Variants in TAOK3 observed in about 807,000 individuals in gnomAD.
TAOK3 encodes the protein serine/threonine-protein kinase TAO3.
Under a neutral mutation model 120.4 loss-of-function variants are expected in TAOK3, and 40 were observed. The observed-to-expected ratio is 0.33, with a 90% CI of 0.26 to 0.43. The LOEUF (loss-of-function observed/expected upper bound fraction) is 0.43, where lower values mean the gene tolerates loss of function less well. Ranked by LOEUF, TAOK3 falls within the 20% of genes least tolerant of loss-of-function variation. TAOK3 has a pLI of 1.00. For missense variants in TAOK3, 821 were observed against 1,112.1 expected, an observed-to-expected ratio of 0.74 and a Z score of 3.72; for synonymous variants, 355 against 387.5, an observed-to-expected ratio of 0.92 and a Z score of 0.99.
At chr12:118,220,667 C>T (rs1050590986) in intron 9 of TAOK3, among the ~76,000 whole-genome samples, 5 of 151,828 alleles carry the variant, frequency 3.3e-5, no homozygotes, top group African/African-American at 4.8e-5. Flanking sequence ...AACAAAAACA[C>T]AAAGAAAACT....
At chr12:118,291,164 A>C (rs965669490) in intron 1 of TAOK3, among the ~76,000 whole-genome samples, 5 of 145,264 alleles carry the variant, frequency 3.4e-5, no homozygotes, top group African/African-American at 1.3e-4. Context: ...CCGGGTTTTT[A>C]CTTTTTTTTG....
At chr12:118,348,538 C>A (rs941113074) in intron 1 of TAOK3, among the ~76,000 whole-genome samples, 5 of 151,842 alleles carry the variant, frequency 3.3e-5, no homozygotes, top group Admixed American at 1.3e-4. Context: ...GCAAGCTCTG[C>A]CTCCCGGGCT....
chr12:118,179,547 T>C (rs1239788699), intron 15 of TAOK3, among the ~76,000 whole-genome samples: 5 of 151,996 alleles, frequency 3.3e-5, no homozygotes, highest in East Asian at 3.9e-4. Context: ...TGTATACATA[T>C]GTAACAAACC....
At chr12:118,336,223 T>C (rs935757031) in intron 1 of TAOK3, among the ~76,000 whole-genome samples, 2 of 152,166 alleles carry the variant, frequency 1.3e-5, no homozygotes, top group African/African-American at 4.8e-5. Flanking sequence ...AGGCAGTTTG[T>C]GCTGGTAGAG....
chr12:118,267,007 GGTTT>G (rs1323492678), intron 1 of TAOK3, among the ~76,000 whole-genome samples: 1 of 152,156 alleles, frequency 6.6e-6, no homozygotes, highest in Non-Finnish European at 1.5e-5. Context: ...AGCTTCCACT[GGTTT>G]GTTTGTGTCC....
At chr12:118,181,867 T>C (rs2036746905) in intron 14 of TAOK3, among the ~76,000 whole-genome samples, 1 of 152,214 alleles carries the variant, frequency 6.6e-6, no homozygotes, top group Non-Finnish European at 1.5e-5. Context: ...GTTTTATAGT[T>C]GAAGAAATTG....
chr12:118,340,292 A>C lies in TAOK3; in HGVS notation c.-194+32356T>G, dbSNP rs141256410. Among the ~76,000 whole-genome samples the C allele has an allele frequency of 3.5e-4, 53 of 152,328 alleles. No homozygotes were observed. The East Asian group carries it at 0.01, about 29-fold the overall frequency. ...CCCTCCCAAGAGCAAAAAAATTTTT[A>C]ATCAGGTTGGAAAGGGAAGAAAAGT... On this transcript the variant is annotated intron_variant, in intron 1 of 20. Coordinates refer to ENST00000392533, the MANE Select transcript of TAOK3 (RefSeq NM_016281.4).
In TAOK3 at chr12:118,221,634, C is replaced by G. The variant is rs932370430; in HGVS notation, c.644-7524G>C. Among the ~76,000 whole-genome samples the G allele has an allele frequency of 1.3e-4, 17 of 126,016 alleles. No homozygotes were observed. In the Admixed American group the frequency reaches 1.4e-3, roughly 10 times the overall value. The allele number at this position is 126,016 out of a possible 152,430, so 82.7% of individuals were successfully genotyped here. A position where few individuals can be genotyped will look rare whatever the true frequency, so the allele number is the denominator to read the frequency against. On this transcript the variant is annotated intron_variant, in intron 9 of 20. Transcript: ENST00000392533. ...CCTTGTGATACGGAATACATATAAC[C>G]TTTTTTTTTTTTTTTTTTGAGACAG...
intron 1 of TAOK3, among the ~76,000 whole-genome samples, chr12:118,273,240 T>A (rs2041783284): frequency 6.6e-6 from 1 of 152,178 alleles, no homozygotes; most frequent in East Asian, 1.9e-4. Flanking sequence ...CGGTGGCTCA[T>A]GCCTGTAATC....
At position 118,234,212 on chromosome 12, in the gene TAOK3, A is replaced by ATTTTTT. The variant is rs763473530; in HGVS notation, c.552-453_552-448dup. On this transcript the variant is annotated intron_variant, in intron 8 of 20. Coordinates refer to ENST00000392533, the MANE Select transcript of TAOK3 (RefSeq NM_016281.4). Reference sequence around the variant, plus strand: ...TTAAAGTAATTAAATAAAGCAGGAAATTTTTTTTTTTTTTTTTTTTTTTTT... The same window carrying ATTTTTT: ...TTAAAGTAATTAAATAAAGCAGGAAATTTTTTTTTTTTTTTTTTTTTTTTTTTTTTT... Among the ~76,000 whole-genome samples, 152 of 58,338 alleles carry ATTTTTT rather than the reference A, an allele frequency of 2.6e-3. 21 individuals carry two copies. The highest frequency in any genetic ancestry group is 3.0e-3 in the African/African-American group (43 of 14,394). 38.3% of individuals were successfully genotyped at this position (58,338 alleles called of 152,430 possible).
chr12:118,315,362 A>G (rs1443754594), intron 1 of TAOK3, among the ~76,000 whole-genome samples: 1 of 152,260 alleles, frequency 6.6e-6, no homozygotes, highest in African/African-American at 2.4e-5. Flanking sequence ...TTATCAATAT[A>G]GACACATTTC....
At chr12:118,321,266 A>G (rs1301595864) in intron 1 of TAOK3, among the ~76,000 whole-genome samples, 1 of 152,006 alleles carries the variant, frequency 6.6e-6, no homozygotes, top group Non-Finnish European at 1.5e-5. Flanking sequence ...ACATACACAC[A>G]CACATTTTTT....
intron 17 of TAOK3, among the ~76,000 whole-genome samples, chr12:118,167,686 T>C (rs1429857516): frequency 1.3e-5 from 2 of 151,446 alleles, no homozygotes; most frequent in Non-Finnish European, 2.9e-5. Flanking sequence ...TTTTTTTTCC[T>C]TTTTTTGCAA....
In TAOK3 at chr12:118,255,654, A is replaced by T; in HGVS notation, c.-87T>A. ...TTTTTTTGGGGGGTAAATCTTCAGT[A>T]CCTGTAGAAAAATAAGGTTTGCCAT... On this transcript the variant is annotated splice_region_variant and 5_prime_UTR_variant, in exon 3 of 21. Transcript: ENST00000392533. 1 of 1,358,466 alleles carries T rather than the reference A, an allele frequency of 7.4e-7. No homozygotes were observed. Among genetic ancestry groups the T allele is most frequent in the Non-Finnish European group, 1.0e-6 (1 of 998,368 alleles). The allele number at this position is 1,358,466 out of a possible 1,614,324, so 84.2% of individuals were successfully genotyped here. A position where few individuals can be genotyped will look rare whatever the true frequency, so the allele number is the denominator to read the frequency against.
At chr12:118,188,184 T>A (rs528803057) in intron 14 of TAOK3, among the ~76,000 whole-genome samples, 32 of 152,206 alleles carry the variant, frequency 2.1e-4, no homozygotes, top group Non-Finnish European at 4.1e-4. Context: ...GCTCAGAGCT[T>A]GTTATCATTT....
At chr12:118,297,944 T>G (rs2042743382) in intron 1 of TAOK3, among the ~76,000 whole-genome samples, 1 of 152,178 alleles carries the variant, frequency 6.6e-6, no homozygotes, top group Non-Finnish European at 1.5e-5. Flanking sequence ...CACAACCAGC[T>G]AATTTTTAAA....
intron 8 of TAOK3, among the ~76,000 whole-genome samples, chr12:118,234,388 G>C (rs890381163): frequency 6.6e-6 from 1 of 150,520 alleles, no homozygotes; most frequent in African/African-American, 2.4e-5. Flanking sequence ...GGGACTACAG[G>C]CGCCTGCCAC....
chr12:118,316,403 T>C (rs1251466985), intron 1 of TAOK3, among the ~76,000 whole-genome samples: 1 of 152,178 alleles, frequency 6.6e-6, no homozygotes, highest in East Asian at 1.9e-4. Flanking sequence ...TAAAAAAATA[T>C]TTTGCCTCAA....
chr12:118,159,215 G>C (rs941417592), intron 19 of TAOK3, among the ~76,000 whole-genome samples: 1 of 151,998 alleles, frequency 6.6e-6, no homozygotes, highest in Non-Finnish European at 1.5e-5. Context: ...ATTCCTTAAA[G>C]TTTCTTGGCT....
Sources: allele counts gnomAD v4.1 joint callset (sites outside exome capture counted in the v4.1 genomes callset), GRCh38; gene constraint gnomAD v4.1.1; transcripts MANE v1.5; gene names NCBI Gene and HGNC (gene_info 2026-07-23, HGNC 2026-07-21).